Variants in CELSR1 observed in about 807,000 individuals in gnomAD.
The protein encoded by CELSR1 is cadherin EGF LAG seven-pass G-type receptor 1, also known as adhesion G protein-coupled receptor C1.
CELSR1 carries 110 observed loss-of-function variants against 249.1 expected under a neutral mutation model. The observed-to-expected ratio is 0.44, with a 90% CI of 0.38 to 0.52. The LOEUF is 0.52. Among genes scored for constraint, CELSR1 ranks in the 20% least tolerant of loss-of-function variants. The probability of loss-of-function intolerance (pLI) is 0.00; values close to 1 mark genes in which losing one functional copy is unlikely to be tolerated. For synonymous variants in CELSR1, 2,113 were observed against 1,900.0 expected, an observed-to-expected ratio of 1.11 and a Z score of -2.92; for missense variants, 4,109 against 4,296.4, an observed-to-expected ratio of 0.96 and a Z score of 1.22.
At chr22:46,456,984 T>A (rs541945059) in intron 2 of CELSR1, among the ~76,000 whole-genome samples, 1 of 152,064 alleles carries the variant, frequency 6.6e-6, no homozygotes, top group Admixed American at 6.6e-5. Flanking sequence ...ACTGAAGCGC[T>A]CCCAAGTGGC....
chr22:46,475,553 C>T (rs906263003), intron 1 of CELSR1, among the ~76,000 whole-genome samples: 10 of 151,578 alleles, frequency 6.6e-5, no homozygotes, highest in African/African-American at 1.2e-4. Flanking sequence ...GTGGTGACGC[C>T]CATGAAACAA....
intron 2 of CELSR1, among the ~76,000 whole-genome samples, chr22:46,439,843 C>G (rs548599325): frequency 1.8e-4 from 27 of 152,288 alleles, no homozygotes; most frequent in African/African-American, 6.5e-4. Flanking sequence ...CACAGCAGAG[C>G]CTCGTCAGAG....
intron 1 of CELSR1, among the ~76,000 whole-genome samples, chr22:46,514,177 G>T (rs1301301593): frequency 6.6e-6 from 1 of 151,974 alleles, no homozygotes; most frequent in Non-Finnish European, 1.5e-5. Context: ...AGGTTCCTGG[G>T]GTCAGAATCA....
At chr22:46,475,314 C>A (rs188993702) in intron 1 of CELSR1, among the ~76,000 whole-genome samples, 4 of 152,098 alleles carry the variant, frequency 2.6e-5, no homozygotes. Context: ...CCCTGACACA[C>A]GCTACAACAC....
chr22:46,396,592 G>C lies in CELSR1; in HGVS notation c.5843+13C>G, dbSNP rs745767745. The C allele has an allele frequency of 4.5e-6, 7 of 1,551,988 alleles. No individual in the cohort carries two copies. Among genetic ancestry groups the C allele is most frequent in the Non-Finnish European group, 6.1e-6 (7 of 1,151,022 alleles). Reference sequence around the variant, plus strand: ...CTCTGAAGGTGCAGGGAGGCACCAGGGGCTGCTCTTACTTGTTCTCACAGT... The same window carrying C: ...CTCTGAAGGTGCAGGGAGGCACCAGCGGCTGCTCTTACTTGTTCTCACAGT... On this transcript the variant is annotated intron_variant, in intron 13 of 34. Coordinates refer to ENST00000674500, the MANE Select transcript of CELSR1 (RefSeq NM_001378328.1). This position sits in a 1 kb window ranked among gnomAD's most constrained non-coding sequence, Gnocchi z 6.4.
At chr22:46,386,749 G>T (rs1490701270) in intron 18 of CELSR1, among the ~76,000 whole-genome samples, 164 bp from the exon 19 acceptor site, 3 of 151,512 alleles carry the variant, frequency 2.0e-5, no homozygotes, top group African/African-American at 7.3e-5. Context: ...TTTGTTTTTT[G>T]TTGTTTTTTG....
chr22:46,482,458 T>C (rs1281476782), intron 1 of CELSR1, among the ~76,000 whole-genome samples: 2 of 152,056 alleles, frequency 1.3e-5, no homozygotes, highest in African/African-American at 4.8e-5. Context: ...GCTCTTGCAA[T>C]CCTCAGGGGA....
Position 46,396,463 on chromosome 22 carries a change from G to T in CELSR1, c.5843+142C>A. The T allele has an allele frequency of 1.2e-6, 1 of 840,624 alleles. No homozygotes were observed. Among genetic ancestry groups the T allele is most frequent in the Non-Finnish European group, 1.6e-6 (1 of 620,336 alleles). The allele number at this position is 840,624 out of a possible 1,614,324, so 52.1% of individuals were successfully genotyped here. A position where few individuals can be genotyped will look rare whatever the true frequency, so the allele number is the denominator to read the frequency against. On this transcript the variant is annotated intron_variant, in intron 13 of 34. Transcript: ENST00000674500. The surrounding 1 kb of genome is among the most constrained non-coding windows in gnomAD (Gnocchi z 6.4). ...AAAATTTGATTTTCACTTAATTCATGCCAAATTAAAAAAAAATATGTCCCT... is the reference window on the plus strand; with the variant it reads ...AAAATTTGATTTTCACTTAATTCATTCCAAATTAAAAAAAAATATGTCCCT...
intron 18 of CELSR1, among the ~76,000 whole-genome samples, chr22:46,387,899 C>T (rs763699734): frequency 1.3e-5 from 2 of 152,180 alleles, no homozygotes; most frequent in Non-Finnish European, 2.9e-5. Flanking sequence ...GGAACCACCA[C>T]AACCTGGGCT....
chr22:46,421,235 GC>G (rs2147376344), intron 5 of CELSR1, among the ~76,000 whole-genome samples: 1 of 148,098 alleles, frequency 6.8e-6, no homozygotes, highest in South Asian at 2.3e-4. Context: ...AAGGCCAGGA[GC>G]CCAGAGAGGG....
Position 46,364,737 on chromosome 22 carries a change from C to T in CELSR1, c.8555-1G>A, listed in dbSNP as rs1354671711. On this transcript the variant is annotated splice_acceptor_variant, in intron 32 of 34. Transcript: ENST00000674500. LOFTEE classifies it high-confidence loss of function. The stretch of plus-strand genomic sequence containing the variant: ...GGAACGTGGTTGGCCACAGCGTCCC[C>T]TGAGGCACGAGAGCGGTGCTCAGCA... 6.2e-7 allele frequency: 1 copy of T among 1,611,136 alleles called. No homozygotes were observed. Among genetic ancestry groups the T allele is most frequent in the Non-Finnish European group, 8.5e-7 (1 of 1,179,416 alleles).
In CELSR1 at chr22:46,534,208, G is replaced by A. The variant is rs771032840; in HGVS notation, c.2963C>T (p.Thr988Ile). Residue 988 changes from threonine (T) to isoleucine (I), a missense_variant, in exon 1 of 35, where the codon ACC becomes ATC. Physicochemically the swap from Thr to Ile is moderately conservative, Grantham distance 89. Coordinates refer to ENST00000674500, the MANE Select transcript of CELSR1 (RefSeq NM_001378328.1). This position sits in a 1 kb window ranked among gnomAD's most constrained non-coding sequence, Gnocchi z 9.7. ...PLSASVEIQV[T>I]ILDINDNAPM... Reference sequence around the variant, plus strand: ...GGCATTGTCATTAATGTCCAAGATGGTCACCTGGATTTCTACCGAGGCGCT... The same window carrying A: ...GGCATTGTCATTAATGTCCAAGATGATCACCTGGATTTCTACCGAGGCGCT... 6.2e-7 allele frequency: 1 copy of A among 1,613,816 alleles called. No individual in the cohort carries two copies. Among genetic ancestry groups the A allele is most frequent in the Non-Finnish European group, 8.5e-7 (1 of 1,180,030 alleles).
chr22:46,476,995 T>C (rs1321581981), intron 1 of CELSR1, among the ~76,000 whole-genome samples: 1 of 152,198 alleles, frequency 6.6e-6, no homozygotes, highest in African/African-American at 2.4e-5. Flanking sequence ...ATTTGTCTTA[T>C]TTTGGCGTGA....
chr22:46,499,117 T>C (rs1475216715), intron 1 of CELSR1, among the ~76,000 whole-genome samples: 1 of 150,360 alleles, frequency 6.7e-6, no homozygotes, highest in Non-Finnish European at 1.5e-5. Flanking sequence ...GCGATGGCGG[T>C]TGCAGTGAGC....
At chr22:46,470,891 G>A (rs541371373) in intron 1 of CELSR1, among the ~76,000 whole-genome samples, 121 of 152,272 alleles carry the variant, frequency 7.9e-4, no homozygotes, top group African/African-American at 2.9e-3. Context: ...TTGGGAGGCC[G>A]AGGTGGGCGG....
intron 1 of CELSR1, among the ~76,000 whole-genome samples, chr22:46,494,057 A>G (rs1252146515): frequency 6.6e-6 from 1 of 152,212 alleles, no homozygotes; most frequent in East Asian, 1.9e-4. Flanking sequence ...AGGCAGACAC[A>G]CAATCTACCC....
intron 19 of CELSR1, among the ~76,000 whole-genome samples, chr22:46,385,770 C>T (rs145487561): frequency 0.012 from 1,851 of 151,304 alleles, 40 homozygotes; most frequent in African/African-American, 0.043. Flanking sequence ...CTCCGCTTCC[C>T]GGGTTCACGC....
chr22:46,528,732 T>A (rs1004401436), intron 1 of CELSR1, among the ~76,000 whole-genome samples: 2 of 150,962 alleles, frequency 1.3e-5, no homozygotes, highest in Admixed American at 6.6e-5. Flanking sequence ...ATCGAGGCCA[T>A]CCTGGTTAAC....
chr22:46,530,136 C>T lies in CELSR1; in HGVS notation c.3544+3491G>A, dbSNP rs540727166. ...ACCAGACTGAATAACATAGTGAGAC[C>T]TTGTCTCTATTACAAATAATTAAAA... On this transcript the variant is annotated intron_variant, in intron 1 of 34. Transcript: ENST00000674500. Among the ~76,000 whole-genome samples the T allele has an allele frequency of 1.2e-4, 18 of 151,490 alleles. No homozygotes were observed. In the East Asian group the frequency reaches 3.3e-3, roughly 28 times the overall value.
Sources: allele counts gnomAD v4.1 joint callset (sites outside exome capture counted in the v4.1 genomes callset), GRCh38; gene constraint gnomAD v4.1.1; non-coding constraint Gnocchi (gnomAD v3.1); transcripts MANE v1.5; gene names NCBI Gene and HGNC (gene_info 2026-07-23, HGNC 2026-07-21).